Variants in CNTNAP2 observed in about 807,000 individuals in gnomAD.
The protein encoded by CNTNAP2 is contactin associated protein 2.
A neutral mutation model predicts 155.2 loss-of-function variants in CNTNAP2; 98 were observed. The observed-to-expected ratio is 0.63, with a 90% CI of 0.54 to 0.75. The LOEUF is 0.75. Among genes scored for constraint, CNTNAP2 ranks in the 30% least tolerant of loss-of-function variants. CNTNAP2 has a pLI of 0.00. For synonymous variants in CNTNAP2, 651 were observed against 631.2 expected (o/e 1.03, Z -0.47); for missense variants, 1,727 against 1,688.1 (o/e 1.02, Z -0.40).
chr7:147,650,887 A>G (rs1170013975), intron 13 of CNTNAP2, among the ~76,000 whole-genome samples: 3 of 152,160 alleles, frequency 2.0e-5, no homozygotes, highest in Non-Finnish European at 4.4e-5. Flanking sequence ...ATACTGAAAA[A>G]ATCTTAACTA....
At chr7:147,610,879 C>A (rs1801171487) in intron 12 of CNTNAP2, among the ~76,000 whole-genome samples, 1 of 152,056 alleles carries the variant, frequency 6.6e-6, no homozygotes, top group Non-Finnish European at 1.5e-5. Flanking sequence ...GCTAGGATCA[C>A]AGGTGCACGT....
At chr7:146,426,773 T>A (rs1363765825) in intron 1 of CNTNAP2, among the ~76,000 whole-genome samples, 1 of 151,966 alleles carries the variant, frequency 6.6e-6, no homozygotes, top group Non-Finnish European at 1.5e-5. Flanking sequence ...GTTCAAGAGA[T>A]CTTTTATACA....
At chr7:147,116,163 A>C (rs1340552246) in intron 5 of CNTNAP2, among the ~76,000 whole-genome samples, 1 of 152,164 alleles carries the variant, frequency 6.6e-6, no homozygotes, top group Non-Finnish European at 1.5e-5. Context: ...TGAAGCCTGC[A>C]GGACAGCAAA....
At chr7:148,059,008 C>A (rs994883350) in intron 15 of CNTNAP2, among the ~76,000 whole-genome samples, 1 of 151,976 alleles carries the variant, frequency 6.6e-6, no homozygotes, top group Admixed American at 6.6e-5. Flanking sequence ...ATCAAGGGCT[C>A]GGTGGCTCAT....
chr7:148,304,163 G>C (rs1797445824), intron 21 of CNTNAP2, among the ~76,000 whole-genome samples: 1 of 152,130 alleles, frequency 6.6e-6, no homozygotes, highest in South Asian at 2.1e-4. Context: ...GAGGAAACTT[G>C]ATAGGTTCAA....
intron 1 of CNTNAP2, among the ~76,000 whole-genome samples, chr7:146,404,482 T>C (rs1290297912): frequency 6.6e-6 from 1 of 152,192 alleles, no homozygotes; most frequent in Non-Finnish European, 1.5e-5. Flanking sequence ...CTTAGACTAC[T>C]GTAATAACTT....
chr7:146,132,514 A>G (rs1410895602), intron 1 of CNTNAP2, among the ~76,000 whole-genome samples: 4 of 151,206 alleles, frequency 2.6e-5, no homozygotes, highest in African/African-American at 9.7e-5. Flanking sequence ...CACTGCACCA[A>G]CTAACTCGTC....
chr7:146,364,750 T>A (rs1416895457), intron 1 of CNTNAP2, among the ~76,000 whole-genome samples: 1 of 152,242 alleles, frequency 6.6e-6, no homozygotes, highest in Non-Finnish European at 1.5e-5. Flanking sequence ...ACAGCCTGTT[T>A]ATGTATGGAA....
chr7:146,873,555 G>T (rs546192600), intron 3 of CNTNAP2, among the ~76,000 whole-genome samples: 7 of 152,258 alleles, frequency 4.6e-5, no homozygotes, highest in African/African-American at 1.7e-4. Context: ...GCTGCACAGT[G>T]ACCCTCTGTG....
intron 8 of CNTNAP2, among the ~76,000 whole-genome samples, chr7:147,231,871 T>C (rs1362196402): frequency 1.3e-5 from 2 of 152,258 alleles, no homozygotes; most frequent in African/African-American, 4.8e-5. Context: ...TTCCATATCA[T>C]AGATTGCCTT....
At chr7:146,734,556 A>G (rs1480468242) in intron 1 of CNTNAP2, among the ~76,000 whole-genome samples, 1 of 152,208 alleles carries the variant, frequency 6.6e-6, no homozygotes, top group East Asian at 1.9e-4. Flanking sequence ...CAAAATTTAG[A>G]CAACAGAGAT....
chr7:147,888,929 C>G (rs1799642211), intron 13 of CNTNAP2, among the ~76,000 whole-genome samples: 1 of 151,906 alleles, frequency 6.6e-6, no homozygotes, highest in Non-Finnish European at 1.5e-5. Flanking sequence ...TCTATGCAAA[C>G]ATTGACAATA....
At chr7:146,483,707 G>GA (rs1264450910) in intron 1 of CNTNAP2, among the ~76,000 whole-genome samples, 1 of 151,638 alleles carries the variant, frequency 6.6e-6, no homozygotes, top group East Asian at 1.9e-4. Flanking sequence ...AAGAAAAATA[G>GA]AAAAAAATTA....
At chr7:148,192,440 A>G (rs1795213232) in intron 18 of CNTNAP2, among the ~76,000 whole-genome samples, 1 of 152,158 alleles carries the variant, frequency 6.6e-6, no homozygotes, top group African/African-American at 2.4e-5. Flanking sequence ...CATTAAAATG[A>G]TTACAGAAAA....
At chr7:146,969,185 A>T (rs1046970671) in intron 3 of CNTNAP2, among the ~76,000 whole-genome samples, 2 of 152,064 alleles carry the variant, frequency 1.3e-5, no homozygotes, top group Non-Finnish European at 2.9e-5. Flanking sequence ...ACAGTTTGTT[A>T]TAATGTCTGA....
chr7:148,001,558 A>T (rs1381290356), intron 15 of CNTNAP2, among the ~76,000 whole-genome samples: 1 of 152,248 alleles, frequency 6.6e-6, no homozygotes, highest in Non-Finnish European at 1.5e-5. Context: ...TGTCAATCAC[A>T]GAATGACATT....
chr7:146,630,777 C>A (rs761325810), intron 1 of CNTNAP2, among the ~76,000 whole-genome samples: 1 of 151,934 alleles, frequency 6.6e-6, no homozygotes, highest in East Asian at 1.9e-4. Context: ...CAACAATAGA[C>A]AAGCAGAGAG....
chr7:147,486,131 T>A, intron 11 of CNTNAP2, 90 bp downstream of exon 11: 1 of 1,022,736 alleles, frequency 9.8e-7, no homozygotes, highest in Non-Finnish European at 1.5e-6. Context: ...ACCTGAATAA[T>A]CCACATAATA....
At chr7:147,244,033 A>T (rs915066251) in intron 8 of CNTNAP2, among the ~76,000 whole-genome samples, 1 of 152,168 alleles carries the variant, frequency 6.6e-6, no homozygotes, top group Non-Finnish European at 1.5e-5. Flanking sequence ...TTTCTGCCTG[A>T]GGTGGAGGTG....
Sources: allele counts gnomAD v4.1 joint callset (sites outside exome capture counted in the v4.1 genomes callset), GRCh38; gene constraint gnomAD v4.1.1; transcripts MANE v1.5; gene names NCBI Gene and HGNC (gene_info 2026-07-23, HGNC 2026-07-21).